The following PTPRM variants were observed in gnomAD, a reference collection of about 807,000 sequenced individuals.
The protein encoded by PTPRM is receptor-type tyrosine-protein phosphatase mu.
PTPRM carries 47 observed loss-of-function variants against 186.7 expected under a neutral mutation model. The observed-to-expected ratio is 0.25, with a 90% CI of 0.20 to 0.32. The LOEUF is 0.32. Ranked by LOEUF, PTPRM falls within the 10% of genes least tolerant of loss-of-function variation. PTPRM has a pLI of 1.00. For missense variants in PTPRM, 1,494 were observed against 1,865.0 expected, an observed-to-expected ratio of 0.80 and a Z score of 3.66; for synonymous variants, 668 against 674.9, an observed-to-expected ratio of 0.99 and a Z score of 0.16.
chr18:7,797,491 GTTGCAGTGATCTTCAACA>G (rs1244958990), intron 2 of PTPRM, among the ~76,000 whole-genome samples: 1 of 152,170 alleles, frequency 6.6e-6, no homozygotes, highest in East Asian at 1.9e-4. Flanking sequence ...TTTGTGTAAC[GTTGCAGTGATCTTCAACA>G]TTGCAGTTGA....
At chr18:7,644,478 G>A (rs2038515360) in intron 1 of PTPRM, among the ~76,000 whole-genome samples, 1 of 152,218 alleles carries the variant, frequency 6.6e-6, no homozygotes, top group East Asian at 1.9e-4. Flanking sequence ...CATCTATGTA[G>A]AAGGGTCAGT....
At chr18:7,939,007 A>G in intron 5 of PTPRM, among the ~76,000 whole-genome samples, 1 of 152,206 alleles carries the variant, frequency 6.6e-6, no homozygotes, top group East Asian at 1.9e-4. Flanking sequence ...TATGTTAATT[A>G]TTAAAATCAA....
chr18:7,618,915 C>CT (rs1482600322), intron 1 of PTPRM, among the ~76,000 whole-genome samples: 20 of 152,180 alleles, frequency 1.3e-4, no homozygotes, highest in African/African-American at 4.8e-4. Context: ...ACCTATAATT[C>CT]TTTTTTACCT....
intron 5 of PTPRM, among the ~76,000 whole-genome samples, chr18:7,935,041 A>G (rs190832008): frequency 4.3e-5 from 6 of 140,722 alleles, no homozygotes; most frequent in African/African-American, 9.8e-5. Flanking sequence ...GATTATAAGG[A>G]AAAAAATCAC....
At chr18:8,223,986 G>A (rs2094184373) in intron 14 of PTPRM, among the ~76,000 whole-genome samples, 1 of 152,092 alleles carries the variant, frequency 6.6e-6, no homozygotes, top group African/African-American at 2.4e-5. Context: ...CTTGGGTTGG[G>A]GAGAAGTATG....
intron 23 of PTPRM, among the ~76,000 whole-genome samples, chr18:8,364,626 T>G (rs1237867559): frequency 6.6e-6 from 1 of 152,156 alleles, no homozygotes; most frequent in Non-Finnish European, 1.5e-5. Flanking sequence ...CCAATATCCA[T>G]CCACCCTCTT....
intron 3 of PTPRM, among the ~76,000 whole-genome samples, chr18:7,895,982 C>T (rs1258894962): frequency 6.6e-6 from 1 of 152,190 alleles, no homozygotes; most frequent in African/African-American, 2.4e-5. Context: ...GCTACAGGTA[C>T]ACATCACAAT....
intron 5 of PTPRM, 59 bp from the exon 6 acceptor site, chr18:7,949,122 T>G: frequency 1.4e-6 from 2 of 1,447,690 alleles, no homozygotes; most frequent in South Asian, 2.6e-5. Context: ...GGTGTCTGAC[T>G]GTTTTGCTCT....
At chr18:8,311,518 C>G (rs747528837) in intron 20 of PTPRM, among the ~76,000 whole-genome samples, 1 of 152,062 alleles carries the variant, frequency 6.6e-6, no homozygotes, top group South Asian at 2.1e-4. Context: ...GGCATGTGAC[C>G]TTGGGGAAAG....
intron 31 of PTPRM, among the ~76,000 whole-genome samples, chr18:8,390,158 A>C (rs1478198657): frequency 6.6e-6 from 1 of 152,244 alleles, no homozygotes; most frequent in East Asian, 1.9e-4. Context: ...GTCCAGGGAC[A>C]GATCCGTACC....
intron 20 of PTPRM, among the ~76,000 whole-genome samples, chr18:8,310,457 C>G (rs755600351): frequency 4.7e-5 from 7 of 149,348 alleles, no homozygotes; most frequent in East Asian, 2.0e-4. Flanking sequence ...GCACATTCAC[C>G]ACACCAACCT....
chr18:8,373,235 G>A (rs1259311145), intron 24 of PTPRM, among the ~76,000 whole-genome samples: 1 of 152,236 alleles, frequency 6.6e-6, no homozygotes, highest in African/African-American at 2.4e-5. Flanking sequence ...AGGTAAGCAT[G>A]TACTTTGAGA....
At chr18:8,258,356 G>A (rs1468577580) in intron 19 of PTPRM, among the ~76,000 whole-genome samples, 6 of 152,102 alleles carry the variant, frequency 3.9e-5, no homozygotes, top group African/African-American at 1.4e-4. Flanking sequence ...AGACTTCTGG[G>A]CCTTTCTCAG....
chr18:8,151,692 G>GAAA (rs1242594668), intron 14 of PTPRM, among the ~76,000 whole-genome samples: 12 of 105,262 alleles, frequency 1.1e-4, no homozygotes, highest in African/African-American at 1.4e-4. Context: ...CTGGGGTATG[G>GAAA]AAAAAAAAAA....
At chr18:7,771,822 A>G (rs1251390936) in intron 1 of PTPRM, among the ~76,000 whole-genome samples, 2 of 152,244 alleles carry the variant, frequency 1.3e-5, no homozygotes, top group Non-Finnish European at 2.9e-5. Context: ...TAAGATGGCT[A>G]TTACCACAAT....
intron 23 of PTPRM, among the ~76,000 whole-genome samples, chr18:8,358,244 G>GACGCGCACACAC (rs1555885322): frequency 2.4e-5 from 2 of 82,208 alleles, no homozygotes; most frequent in Non-Finnish European, 5.5e-5. Flanking sequence ...GTATGCACAT[G>GACGCGCACACAC]ACACGCACAC....
At chr18:7,721,105 C>T (rs545428548) in intron 1 of PTPRM, among the ~76,000 whole-genome samples, 54 of 151,142 alleles carry the variant, frequency 3.6e-4, no homozygotes, top group African/African-American at 1.3e-3. Context: ...GAAAGGGTTC[C>T]GGTTTCTCCA....
At position 7,993,284 on chromosome 18, in the gene PTPRM, T is replaced by C. The variant is rs183157142; in HGVS notation, c.1132+37870T>C. 3.3e-5 allele frequency among the ~76,000 whole-genome samples: 5 copies of C among 151,922 alleles called. No homozygotes were observed. In the East Asian group the frequency reaches 9.7e-4, roughly 29 times the overall value. On this transcript the variant is annotated intron_variant, in intron 7 of 32. Coordinates refer to ENST00000580170, the MANE Select transcript of PTPRM (RefSeq NM_001105244.2). ...ATTGTGAATGCCAGAGGAGAAGAGA[T>C]AGAAAAAAGCATTGAAAAACCTATT...
chr18:8,085,997 C>G, intron 10 of PTPRM, 125 bp downstream of exon 10: 1 of 893,496 alleles, frequency 1.1e-6, no homozygotes, highest in Non-Finnish European at 1.8e-6. Context: ...CTCCTGGATG[C>G]CTGAAGCTCA....
Sources: allele counts gnomAD v4.1 joint callset (sites outside exome capture counted in the v4.1 genomes callset), GRCh38; gene constraint gnomAD v4.1.1; transcripts MANE v1.5; gene names NCBI Gene and HGNC (gene_info 2026-07-23, HGNC 2026-07-21).